Variants in ZNF280D observed in about 807,000 individuals in gnomAD.
ZNF280D encodes the protein suppressor of hairy wing homolog 4.
A neutral mutation model predicts 94.7 loss-of-function variants in ZNF280D; 39 were observed. That is an observed-to-expected ratio of 0.41 (90% CI 0.32 to 0.54). ZNF280D has a LOEUF of 0.54. ZNF280D is among the 20% of genes least tolerant of loss of function. ZNF280D has a pLI of 0.22. For synonymous variants in ZNF280D, 398 were observed against 377.6 expected (o/e 1.05, Z -0.63); for missense variants, 1,090 against 1,149.3 (o/e 0.95, Z 0.75).
chr15:56,709,415 T>C (rs1203299893), intron 1 of ZNF280D, among the ~76,000 whole-genome samples: 1 of 151,818 alleles, frequency 6.6e-6, no homozygotes, highest in South Asian at 2.1e-4. Flanking sequence ...TTGGTGGGAC[T>C]GTAAACTAGT....
intron 19 of ZNF280D, 26 bp from the exon 20 acceptor site, chr15:56,643,023 AT>A (rs765755750): frequency 3.6e-6 from 5 of 1,396,056 alleles, no homozygotes; most frequent in South Asian, 1.5e-5. Flanking sequence ...AGTATTGAAT[AT>A]TTTATTTTAT....
chr15:56,693,433 TATC>T (rs1178448402), intron 6 of ZNF280D, among the ~76,000 whole-genome samples: 1 of 151,990 alleles, frequency 6.6e-6, no homozygotes, highest in African/African-American at 2.4e-5. Context: ...TTGCCAAAAT[TATC>T]ATCTACTGAA....
At chr15:56,653,632 C>A (rs1297823367) in intron 19 of ZNF280D, 6 of 1,429,968 alleles carry the variant, frequency 4.2e-6, no homozygotes, top group East Asian at 5.5e-5. Context: ...CAATGACAGA[C>A]AACGAATGAG....
intron 6 of ZNF280D, chr15:56,700,700 G>A (rs2057009928): frequency 1.4e-6 from 2 of 1,437,228 alleles, no homozygotes; most frequent in East Asian, 2.5e-5. Context: ...TTTCATTACT[G>A]TACCTATTTA....
At chr15:56,652,063 A>AT (rs5812845) in intron 19 of ZNF280D, among the ~76,000 whole-genome samples, 91,267 of 150,568 alleles carry the variant, frequency 0.61, 27,922 homozygotes, top group Non-Finnish European at 0.63. Context: ...AACAACTAGT[A>AT]TATCACTAAG....
chr15:56,677,695 G>C, intron 11 of ZNF280D, 21 bp from the exon 12 acceptor site: 1 of 1,135,424 alleles, frequency 8.8e-7, no homozygotes, highest in Non-Finnish European at 1.2e-6. Flanking sequence ...GAGAGAAACA[G>C]TATAATAATA....
intron 6 of ZNF280D, among the ~76,000 whole-genome samples, chr15:56,696,529 CTA>C (rs1157802373): frequency 6.6e-6 from 1 of 152,170 alleles, no homozygotes; most frequent in Non-Finnish European, 1.5e-5. Flanking sequence ...TGCACTTAAG[CTA>C]TATCACATTG....
chr15:56,693,239 A>G, intron 6 of ZNF280D, 24 bp from the exon 7 acceptor site: 2 of 1,025,068 alleles, frequency 2.0e-6, no homozygotes. Context: ...CAAAGGAAAA[A>G]TAATACATTT....
intron 6 of ZNF280D, chr15:56,698,838 C>A (rs573909110): frequency 6.6e-6 from 1 of 152,272 alleles, no homozygotes; most frequent in East Asian, 1.9e-4. Context: ...ATTCTCAGTC[C>A]AACATCCCTT....
intron 3 of ZNF280D, among the ~76,000 whole-genome samples, chr15:56,704,980 T>C (rs553512009): frequency 3.2e-4 from 48 of 150,330 alleles, no homozygotes; most frequent in African/African-American, 1.2e-3. Flanking sequence ...TGAGAGTATG[T>C]CTTTAAAAAA....
At chr15:56,714,814 A>G (rs1238219606) in intron 1 of ZNF280D, among the ~76,000 whole-genome samples, 3 of 152,204 alleles carry the variant, frequency 2.0e-5, no homozygotes, top group Admixed American at 2.0e-4. Flanking sequence ...TGAAAGGACA[A>G]TAAAATACTT....
intron 1 of ZNF280D, among the ~76,000 whole-genome samples, chr15:56,721,673 C>G (rs2058368147): frequency 6.6e-6 from 1 of 152,326 alleles, no homozygotes; most frequent in South Asian, 2.1e-4. Flanking sequence ...CATCTTCACT[C>G]TCACAGCCTT....
intron 1 of ZNF280D, among the ~76,000 whole-genome samples, chr15:56,714,158 A>C (rs2057916911): frequency 6.6e-6 from 1 of 152,182 alleles, no homozygotes; most frequent in Non-Finnish European, 1.5e-5. Flanking sequence ...TCTTTTTCAG[A>C]ATCAGTCCAG....
chr15:56,642,840 A>T, intron 20 of ZNF280D, 112 bp downstream of exon 20: 1 of 594,078 alleles, frequency 1.7e-6, no homozygotes, highest in Non-Finnish European at 2.7e-6. Flanking sequence ...TCCTCACAAC[A>T]TCCCAAATAT....
At chr15:56,724,718 C>T (rs1567045516) in intron 1 of ZNF280D, 1 of 266,954 alleles carries the variant, frequency 3.7e-6, no homozygotes, top group East Asian at 9.6e-5. Flanking sequence ...TGTGAACATA[C>T]TTTATAATCT....
intron 3 of ZNF280D, 72 bp from the exon 4 acceptor site, chr15:56,704,339 C>G: frequency 1.4e-6 from 2 of 1,400,554 alleles, no homozygotes; most frequent in Non-Finnish European, 1.9e-6. Flanking sequence ...TAATACATAG[C>G]ATTAATTTTA....
chr15:56,671,553 G>C (rs1322860694), intron 13 of ZNF280D, among the ~76,000 whole-genome samples: 1 of 152,100 alleles, frequency 6.6e-6, no homozygotes, highest in Non-Finnish European at 1.5e-5. Context: ...TCTTGTTCCA[G>C]TACCAAGCTG....
rs1596654999 is a variant in ZNF280D, at chr15:56,718,354, T to A, written c.-85-11048A>T. ...GCCAACAATCTTAAATTAATTTCAT[T>A]TTAATAAAGATGTTTGAGGGCTTAA... is the stretch of plus-strand genomic sequence containing the variant. On this transcript the variant is annotated intron_variant, in intron 1 of 21. Coordinates refer to ENST00000267807, the MANE Select transcript of ZNF280D (RefSeq NM_017661.4). Among the ~76,000 whole-genome samples, 5 of 152,268 alleles carry A rather than the reference T, an allele frequency of 3.3e-5. No homozygotes were observed. The South Asian group carries it at 8.3e-4, about 25-fold the overall frequency.
chr15:56,643,247 G>A (rs1326537521), intron 19 of ZNF280D: 1 of 261,290 alleles, frequency 3.8e-6, no homozygotes, highest in African/African-American at 2.2e-5. Context: ...TAAAAACAAG[G>A]ACACTTAAGA....
Sources: gnomAD v4.1 joint callset for allele counts (sites outside exome capture counted in the v4.1 genomes callset) on GRCh38, gnomAD v4.1.1 for gene constraint, MANE v1.5 for transcripts, NCBI Gene and HGNC (gene_info 2026-07-23, HGNC 2026-07-21) for gene names.